The following LDB2 variants were observed in gnomAD, a reference collection of about 807,000 sequenced individuals.
The protein encoded by LDB2 is LIM domain-binding protein 2.
LDB2 carries 12 observed loss-of-function variants against 44.3 expected under a neutral mutation model. The observed-to-expected ratio is 0.27, with a 90% CI of 0.17 to 0.44. The LOEUF is 0.44. Ranked by LOEUF, LDB2 falls within the 20% of genes least tolerant of loss-of-function variation. LDB2 has a pLI of 1.00. For missense variants in LDB2, 344 were observed against 473.5 expected, an observed-to-expected ratio of 0.73 and a Z score of 2.54; for synonymous variants, 164 against 174.8, an observed-to-expected ratio of 0.94 and a Z score of 0.49.
intron 2 of LDB2, among the ~76,000 whole-genome samples, chr4:16,715,553 A>T (rs1178787637): frequency 6.6e-6 from 1 of 152,256 alleles, no homozygotes; most frequent in African/African-American, 2.4e-5. Context: ...TAAGGATCAG[A>T]GATATGAAAC....
chr4:16,628,980 G>A (rs1026450096), intron 2 of LDB2, among the ~76,000 whole-genome samples: 2 of 152,228 alleles, frequency 1.3e-5, no homozygotes, highest in Admixed American at 1.3e-4. Context: ...TGGGTCCCAT[G>A]CCCATGGAGC....
At chr4:16,602,231 C>A (rs1722764493) in intron 2 of LDB2, among the ~76,000 whole-genome samples, 1 of 152,102 alleles carries the variant, frequency 6.6e-6, no homozygotes. Flanking sequence ...AACTTGATAG[C>A]TCGGGAAGGC....
At chr4:16,714,479 C>A (rs1305348216) in intron 2 of LDB2, among the ~76,000 whole-genome samples, 1 of 152,084 alleles carries the variant, frequency 6.6e-6, no homozygotes, top group Non-Finnish European at 1.5e-5. Flanking sequence ...TAGCTTTGGG[C>A]AAGCTCTATC....
At chr4:16,734,654 C>T (rs1761476207) in intron 2 of LDB2, among the ~76,000 whole-genome samples, 1 of 151,620 alleles carries the variant, frequency 6.6e-6, no homozygotes, top group Non-Finnish European at 1.5e-5. Flanking sequence ...CCCATGATTT[C>T]TCACCAAAGA....
At chr4:16,591,870 G>A (rs1041217828) in intron 3 of LDB2, among the ~76,000 whole-genome samples, 4 of 144,064 alleles carry the variant, frequency 2.8e-5, no homozygotes, top group Non-Finnish European at 6.2e-5. Flanking sequence ...ATCTGAAGTC[G>A]GCCTTTTTTT....
intron 1 of LDB2, among the ~76,000 whole-genome samples, chr4:16,824,629 CTTTG>C (rs1319924462): frequency 8.5e-5 from 13 of 152,250 alleles, no homozygotes; most frequent in Non-Finnish European, 1.3e-4. Flanking sequence ...GTGGTCAAAA[CTTTG>C]TTTGAGTTCC....
chr4:16,575,269 G>T (rs1747888458), intron 5 of LDB2, among the ~76,000 whole-genome samples: 1 of 152,140 alleles, frequency 6.6e-6, no homozygotes, highest in South Asian at 2.1e-4. Flanking sequence ...CATCTGAATG[G>T]ATAAAGAGGA....
intron 5 of LDB2, among the ~76,000 whole-genome samples, chr4:16,557,481 C>T (rs906601030): frequency 4.6e-5 from 7 of 152,210 alleles, no homozygotes; most frequent in Non-Finnish European, 1.0e-4. Context: ...TGAGATCAAA[C>T]TGCAAGGCGG....
intron 5 of LDB2, among the ~76,000 whole-genome samples, chr4:16,580,002 A>G (rs1461434744): frequency 6.6e-6 from 1 of 152,176 alleles, no homozygotes; most frequent in Non-Finnish European, 1.5e-5. Flanking sequence ...TCAGAGAGAT[A>G]TTCTCACAGG....
chr4:16,796,128 C>CA (rs945845055), intron 1 of LDB2, among the ~76,000 whole-genome samples: 15 of 147,956 alleles, frequency 1.0e-4, no homozygotes, highest in South Asian at 4.3e-4. Flanking sequence ...CCCATCTCTA[C>CA]AAAAAAAAAA....
At chr4:16,780,309 G>A (rs1409344154) in intron 1 of LDB2, among the ~76,000 whole-genome samples, 3 of 151,996 alleles carry the variant, frequency 2.0e-5, no homozygotes, top group South Asian at 2.1e-4. Flanking sequence ...TGCAACCTCC[G>A]CCTCCCAGGT....
chr4:16,506,985 A>T (rs1189017500), intron 7 of LDB2: 1 of 152,108 alleles, frequency 6.6e-6, no homozygotes, highest in Non-Finnish European at 1.5e-5. Flanking sequence ...TCCTGTGTAC[A>T]CTTTTTCAGT....
At chr4:16,593,176 C>A (rs556314671) in intron 3 of LDB2, among the ~76,000 whole-genome samples, 12 of 152,090 alleles carry the variant, frequency 7.9e-5, no homozygotes, top group Admixed American at 2.6e-4. Flanking sequence ...AACTCAGAAC[C>A]ACTGGGTCAA....
rs559682884 is a variant in LDB2, at chr4:16,558,125, G to A, written c.615+27797C>T. On this transcript the variant is annotated intron_variant, in intron 5 of 7. Coordinates refer to ENST00000304523, the MANE Select transcript of LDB2 (RefSeq NM_001290.5). Reference sequence around the variant, plus strand: ...ACCACAAAGATGGGGAAAAAACAGAGCAGAAAAACTGGAAACTCTAAAAAG... The same window carrying A: ...ACCACAAAGATGGGGAAAAAACAGAACAGAAAAACTGGAAACTCTAAAAAG... 9.2e-5 allele frequency among the ~76,000 whole-genome samples: 14 copies of A among 152,210 alleles called. No individual in the cohort carries two copies. The East Asian group carries it at 9.7e-4, about 11-fold the overall frequency.
chr4:16,642,826 G>A (rs1409302925), intron 2 of LDB2, among the ~76,000 whole-genome samples: 6 of 152,296 alleles, frequency 3.9e-5, no homozygotes, highest in Non-Finnish European at 7.4e-5. Context: ...GCAGTGAATA[G>A]ACATTGGACA....
chr4:16,797,501 A>T (rs544572711), intron 1 of LDB2, among the ~76,000 whole-genome samples: 2 of 152,250 alleles, frequency 1.3e-5, no homozygotes, highest in East Asian at 3.9e-4. Flanking sequence ...AAAATAAATG[A>T]TGTCTTTACT....
intron 3 of LDB2, among the ~76,000 whole-genome samples, chr4:16,591,920 G>T (rs1415792672): frequency 1.3e-5 from 2 of 151,564 alleles, no homozygotes; most frequent in African/African-American, 2.4e-5. Flanking sequence ...AAAATCAAAA[G>T]GGTCCCCAAT....
chr4:16,889,848 A>C (rs1722845449), intron 1 of LDB2, among the ~76,000 whole-genome samples: 1 of 152,190 alleles, frequency 6.6e-6, no homozygotes, highest in Non-Finnish European at 1.5e-5. Context: ...TGTGATAGAA[A>C]GTGATTGGGG....
chr4:16,677,326 G>A (rs953056886), intron 2 of LDB2, among the ~76,000 whole-genome samples: 4 of 152,206 alleles, frequency 2.6e-5, no homozygotes, highest in Non-Finnish European at 4.4e-5. Context: ...ATAAGCATAT[G>A]TGCATAAAAT....
Sources: gnomAD v4.1 joint callset for allele counts (sites outside exome capture counted in the v4.1 genomes callset) on GRCh38, gnomAD v4.1.1 for gene constraint, MANE v1.5 for transcripts, NCBI Gene and HGNC (gene_info 2026-07-23, HGNC 2026-07-21) for gene names.